The following JAKMIP3 variants were observed in gnomAD, a reference collection of about 807,000 sequenced individuals.
JAKMIP3 encodes Janus kinase and microtubule interacting protein 3.
A neutral mutation model predicts 118.5 loss-of-function variants in JAKMIP3; 58 were observed. That is an observed-to-expected ratio of 0.49 (90% CI 0.40 to 0.61). The LOEUF (loss-of-function observed/expected upper bound fraction) is 0.61. Ranked by LOEUF, JAKMIP3 falls within the 20% of genes least tolerant of loss-of-function variation. JAKMIP3 has a pLI of 0.00. For missense variants in JAKMIP3, 950 were observed against 1,109.0 expected (o/e 0.86, Z 2.04); for synonymous variants, 486 against 451.2 (o/e 1.08, Z -0.98).
intron 1 of JAKMIP3, among the ~76,000 whole-genome samples, chr10:132,082,766 A>G (rs1052046869): frequency 6.6e-6 from 1 of 152,112 alleles, no homozygotes; most frequent in Non-Finnish European, 1.5e-5. Flanking sequence ...GCCTGCCACC[A>G]TGCCCGGCTA....
Position 132,133,540 on chromosome 10 carries a change from C to T in JAKMIP3, c.849+13C>T, listed in dbSNP as rs1389126619. On this transcript the variant is annotated intron_variant, in intron 4 of 23. Coordinates refer to ENST00000684848, the MANE Select transcript of JAKMIP3 (RefSeq NM_001323087.2). ...CTCGGGAAGCCCTGTAAGCACCTCC[C>T]AGGCCCACCGGCCCACCCCGTGTCA... 1.9e-6 allele frequency: 3 copies of T among 1,551,780 alleles called. No homozygotes were observed. The highest frequency in any genetic ancestry group is 1.7e-6 in the Non-Finnish European group (2 of 1,148,100).
At chr10:132,172,546 A>T (rs1404521201) in intron 23 of JAKMIP3, among the ~76,000 whole-genome samples, 1 of 151,922 alleles carries the variant, frequency 6.6e-6, no homozygotes, top group African/African-American at 2.4e-5. Flanking sequence ...GAATTTTCCT[A>T]TAGAGAAGAC....
At chr10:132,135,790 T>G (rs1425013051) in intron 5 of JAKMIP3, 140 bp from the exon 6 acceptor site, 1 of 897,190 alleles carries the variant, frequency 1.1e-6, no homozygotes, top group Non-Finnish European at 1.7e-6. Flanking sequence ...TGGGCACCAC[T>G]TGGAGGCGTG....
In JAKMIP3 at chr10:132,149,977, C is replaced by G. The variant is rs776083020; in HGVS notation, c.1948-5C>G. On this transcript the variant is annotated splice_polypyrimidine_tract_variant and splice_region_variant and intron_variant, in intron 15 of 23. Transcript: ENST00000684848. ...ACTCACCCCTACCTGTCCTCTGTGC[C>G]TTAGGACATTGTGGTTGCGGAGCTG... is the stretch of plus-strand genomic sequence containing the variant. 1 of 1,563,202 alleles carries G rather than the reference C, an allele frequency of 6.4e-7. No individual in the cohort carries two copies. Among genetic ancestry groups the G allele is most frequent in the South Asian group, 1.1e-5 (1 of 87,468 alleles).
chr10:132,140,651 G>A, intron 10 of JAKMIP3, 72 bp downstream of exon 10: 2 of 1,339,984 alleles, frequency 1.5e-6, no homozygotes, highest in East Asian at 3.6e-5. Context: ...TCCTGGGCTT[G>A]GAGGAGGTAA....
At chr10:132,085,999 G>A (rs1050230091) in intron 1 of JAKMIP3, among the ~76,000 whole-genome samples, 8 of 152,114 alleles carry the variant, frequency 5.3e-5, no homozygotes, top group Non-Finnish European at 8.8e-5. Context: ...TGATGTAGGT[G>A]TTTAGGGCTA....
chr10:132,100,428 C>T (rs1024432494), intron 1 of JAKMIP3, among the ~76,000 whole-genome samples: 34 of 117,706 alleles, frequency 2.9e-4, no homozygotes, highest in Non-Finnish European at 6.2e-4. Flanking sequence ...TCTCTCCAGT[C>T]GCCCCGTCTG....
At chr10:132,042,174 T>TGCTC (rs200343656) in intron 1 of JAKMIP3, among the ~76,000 whole-genome samples, 43 of 130,776 alleles carry the variant, frequency 3.3e-4, no homozygotes, top group African/African-American at 1.1e-3. Flanking sequence ...CTAGTTCACT[T>TGCTC]GCTCGCTCGC....
intron 19 of JAKMIP3, among the ~76,000 whole-genome samples, chr10:132,161,952 C>T (rs1326124603): frequency 7.0e-6 from 1 of 142,192 alleles, no homozygotes; most frequent in East Asian, 1.9e-4. Flanking sequence ...GGAAGGCCCC[C>T]TTGTTTGGGA....
chr10:132,162,012 C>T (rs2058400444), intron 19 of JAKMIP3, among the ~76,000 whole-genome samples: 2 of 147,618 alleles, frequency 1.4e-5, no homozygotes, highest in South Asian at 2.2e-4. Context: ...TTTCCCTGCA[C>T]ACTCGCCCGG....
intron 11 of JAKMIP3, among the ~76,000 whole-genome samples, chr10:132,142,840 C>A (rs1022080795): frequency 2.6e-5 from 4 of 152,038 alleles, no homozygotes; most frequent in Non-Finnish European, 2.9e-5. Flanking sequence ...TCCCGTTGGC[C>A]TCCCCACCCC....
At chr10:132,174,575 T>C (rs2059979090) in intron 23 of JAKMIP3, among the ~76,000 whole-genome samples, 1 of 152,190 alleles carries the variant, frequency 6.6e-6, no homozygotes, top group Non-Finnish European at 1.5e-5. Flanking sequence ...AAAACTGCTA[T>C]AATGTGTGAC....
chr10:132,121,595 G>A (rs543596566), intron 3 of JAKMIP3, among the ~76,000 whole-genome samples: 4 of 152,268 alleles, frequency 2.6e-5, no homozygotes, highest in East Asian at 1.9e-4. Context: ...TTGCTCCCTC[G>A]AGAGCTGTCC....
intron 8 of JAKMIP3, among the ~76,000 whole-genome samples, chr10:132,137,660 C>T (rs1459684388): frequency 3.3e-5 from 5 of 152,358 alleles, no homozygotes; most frequent in East Asian, 1.9e-4. Context: ...TTCACCATCA[C>T]GGCCATGAAA....
At chr10:132,147,319 C>T (rs756115218) in intron 13 of JAKMIP3, among the ~76,000 whole-genome samples, 15 of 152,224 alleles carry the variant, frequency 9.9e-5, no homozygotes, top group Non-Finnish European at 1.9e-4. Flanking sequence ...CCCCTGGTGG[C>T]CCCTGCCCTC....
intron 6 of JAKMIP3, 30 bp from the exon 7 acceptor site, chr10:132,136,989 A>G (rs532723977): frequency 3.6e-5 from 58 of 1,606,458 alleles, no homozygotes; most frequent in Admixed American, 8.4e-5. Flanking sequence ...TCACTCCCCA[A>G]CTTGTGATGT....
intron 3 of JAKMIP3, among the ~76,000 whole-genome samples, chr10:132,128,456 A>G (rs2050006910): frequency 6.6e-6 from 1 of 152,238 alleles, no homozygotes; most frequent in African/African-American, 2.4e-5. Flanking sequence ...GTCTTTTACC[A>G]GATATGGAAA....
At chr10:132,090,149 G>C (rs2042919486) in intron 1 of JAKMIP3, among the ~76,000 whole-genome samples, 1 of 152,166 alleles carries the variant, frequency 6.6e-6, no homozygotes, top group Admixed American at 6.5e-5. Context: ...ATGTTCGTCA[G>C]GGATATTGGT....
chr10:132,061,130 C>T (rs765592098), upstream of JAKMIP3, among the ~76,000 whole-genome samples: 4 of 152,220 alleles, frequency 2.6e-5, no homozygotes, highest in Admixed American at 2.0e-4. Context: ...GTCCTGAGCA[C>T]CACCTTCTTG....
Sources: allele counts gnomAD v4.1 joint callset (sites outside exome capture counted in the v4.1 genomes callset), GRCh38; gene constraint gnomAD v4.1.1; transcripts MANE v1.5; gene names NCBI Gene and HGNC (gene_info 2026-07-23, HGNC 2026-07-21).